ZNF532: variants seen among roughly 807,000 people sequenced by gnomAD.
The protein encoded by ZNF532 is zinc finger protein 532.
In ZNF532, 22 loss-of-function variants were observed where a neutral mutation model predicts 89.3. That is an observed-to-expected ratio of 0.25 (90% CI 0.18 to 0.35). ZNF532 has a LOEUF of 0.35. ZNF532 is among the 10% of genes least tolerant of loss of function. The pLI is 1.00. For synonymous variants in ZNF532, 606 were observed against 649.6 expected, an observed-to-expected ratio of 0.93 and a Z score of 1.02; for missense variants, 1,132 against 1,643.4, an observed-to-expected ratio of 0.69 and a Z score of 5.38.
chr18:58,906,704 C>T (rs1190592404), intron 2 of ZNF532, among the ~76,000 whole-genome samples: 1 of 152,166 alleles, frequency 6.6e-6, no homozygotes, highest in Admixed American at 6.5e-5. Flanking sequence ...GATTGCCCAG[C>T]TCTGATTTTT....
chr18:58,941,096 G>A lies in ZNF532; in HGVS notation c.2705+1475G>A, dbSNP rs187637376. Among the ~76,000 whole-genome samples, 3 of 151,420 alleles carry A rather than the reference G, an allele frequency of 2.0e-5. No homozygotes were observed. The East Asian group carries it at 5.9e-4, about 30-fold the overall frequency. Reference sequence around the variant, plus strand: ...CATGTTGAAGTTAAATTTTATTTTAGTAGGACCTTCATTCTGATCTTTGTA... The same window carrying A: ...CATGTTGAAGTTAAATTTTATTTTAATAGGACCTTCATTCTGATCTTTGTA... On this transcript the variant is annotated intron_variant, in intron 5 of 9. Coordinates refer to ENST00000591808, the MANE Select transcript of ZNF532 (RefSeq NM_001375912.1).
At position 58,922,267 on chromosome 18, in the gene ZNF532, G is replaced by A. The variant is rs147760154; in HGVS notation, c.2346+1634G>A. Among the ~76,000 whole-genome samples, 102 of 152,178 alleles carry A rather than the reference G, an allele frequency of 6.7e-4. No homozygotes were observed. The Middle Eastern group carries it at 0.01, about 15-fold the overall frequency. On this transcript the variant is annotated intron_variant, in intron 3 of 9. Transcript: ENST00000591808. The stretch of plus-strand genomic sequence containing the variant: ...GTTAATTAATTAGGATGTTTATGCC[G>A]CAATTCAGAAGTTTGGTGCTATCTT...
intron 2 of ZNF532, among the ~76,000 whole-genome samples, chr18:58,905,862 A>G (rs1362096044): frequency 6.6e-6 from 1 of 152,162 alleles, no homozygotes; most frequent in Non-Finnish European, 1.5e-5. Flanking sequence ...GGCCATGACC[A>G]TTTCTCAGAC....
chr18:58,974,508 A>G (rs556218479), intron 7 of ZNF532, among the ~76,000 whole-genome samples: 1 of 152,358 alleles, frequency 6.6e-6, no homozygotes, highest in South Asian at 2.1e-4. Flanking sequence ...GACTTCTGCT[A>G]TAACACTTAT....
At chr18:58,872,700 T>C (rs1049542146) in intron 2 of ZNF532, among the ~76,000 whole-genome samples, 12 of 95,672 alleles carry the variant, frequency 1.3e-4, no homozygotes, top group Admixed American at 3.4e-4. Context: ...ACATTTATCT[T>C]TTTTTTTTTT....
chr18:58,876,128 G>A lies in ZNF532; in HGVS notation c.-18+10549G>A, dbSNP rs902391154. ...TTTTGTATTTTTTAGTAGAGACGGG[G>A]TTTCACCGTGTTAGCCAGGATGGTC... On this transcript the variant is annotated intron_variant, in intron 2 of 9. Coordinates refer to ENST00000591808, the MANE Select transcript of ZNF532 (RefSeq NM_001375912.1). Among the ~76,000 whole-genome samples the A allele has an allele frequency of 2.0e-5, 3 of 151,974 alleles. No individual in the cohort carries two copies. The South Asian group carries it at 6.2e-4, about 32-fold the overall frequency.
chr18:58,970,129 C>T (rs2066324976), intron 7 of ZNF532, among the ~76,000 whole-genome samples: 1 of 152,126 alleles, frequency 6.6e-6, no homozygotes, highest in Admixed American at 6.6e-5. Flanking sequence ...CGTGATCCAC[C>T]TGCCTCGGCC....
intron 2 of ZNF532, among the ~76,000 whole-genome samples, chr18:58,884,203 A>G (rs956550559): frequency 6.6e-6 from 1 of 152,210 alleles, no homozygotes; most frequent in African/African-American, 2.4e-5. Context: ...ATATGGTGAA[A>G]CCCTGTCTCT....
intron 3 of ZNF532, among the ~76,000 whole-genome samples, chr18:58,929,637 A>G (rs889525729): frequency 8.5e-5 from 13 of 152,232 alleles, no homozygotes; most frequent in Admixed American, 3.9e-4. Flanking sequence ...ATGTAAGTAG[A>G]TGATATGTGT....
At chr18:58,978,204 A>G (rs1394915953) in intron 7 of ZNF532, among the ~76,000 whole-genome samples, 3 of 152,204 alleles carry the variant, frequency 2.0e-5, no homozygotes, top group Non-Finnish European at 2.9e-5. Context: ...CTCATCCCCT[A>G]AGTATACCAG....
At chr18:58,889,047 G>A (rs1465987030) in intron 2 of ZNF532, among the ~76,000 whole-genome samples, 1 of 147,784 alleles carries the variant, frequency 6.8e-6, no homozygotes, top group Non-Finnish European at 1.5e-5. Context: ...AAATTTGAAA[G>A]TTCCAAATGA....
At chr18:58,914,522 A>G (rs2060474568) in intron 2 of ZNF532, among the ~76,000 whole-genome samples, 1 of 152,214 alleles carries the variant, frequency 6.6e-6, no homozygotes, top group South Asian at 2.1e-4. Flanking sequence ...TCTACTAAAA[A>G]TACAAAAATT....
At chr18:58,937,580 T>C (rs1272393856) in intron 4 of ZNF532, among the ~76,000 whole-genome samples, 2 of 152,230 alleles carry the variant, frequency 1.3e-5, no homozygotes, top group Admixed American at 6.5e-5. Flanking sequence ...CTTTTTGTCC[T>C]TCCTGGTTCT....
chr18:58,893,385 T>C (rs1460659110), intron 2 of ZNF532, among the ~76,000 whole-genome samples: 1 of 152,208 alleles, frequency 6.6e-6, no homozygotes, highest in African/African-American at 2.4e-5. Flanking sequence ...AGTTGCCTGG[T>C]GCCTGGCGTG....
intron 4 of ZNF532, among the ~76,000 whole-genome samples, chr18:58,935,091 T>TCCC (rs1399728902): frequency 7.5e-6 from 1 of 133,954 alleles, no homozygotes; most frequent in Admixed American, 7.6e-5. Context: ...CTTCTCCTCC[T>TCCC]CCCCACTCCT....
At chr18:58,953,856 A>C in intron 7 of ZNF532, 57 bp downstream of exon 7, 5 of 1,543,664 alleles carry the variant, frequency 3.2e-6, no homozygotes, top group Non-Finnish European at 4.4e-6. Context: ...CTGGACTGGC[A>C]AGCTTCCAAG....
At chr18:58,887,096 C>A (rs1194629555) in intron 2 of ZNF532, among the ~76,000 whole-genome samples, 2 of 152,202 alleles carry the variant, frequency 1.3e-5, no homozygotes, top group Non-Finnish European at 2.9e-5. Flanking sequence ...AAATGAAGAA[C>A]ACCCTGAGGG....
At chr18:58,975,004 A>AT (rs1253121624) in intron 7 of ZNF532, among the ~76,000 whole-genome samples, 1 of 152,118 alleles carries the variant, frequency 6.6e-6, no homozygotes, top group East Asian at 1.9e-4. Context: ...TAGTGCAGTG[A>AT]TTTTTAGGAG....
chr18:58,962,447 AG>A (rs1023897446), intron 7 of ZNF532, among the ~76,000 whole-genome samples: 2 of 152,138 alleles, frequency 1.3e-5, no homozygotes, highest in African/African-American at 4.8e-5. Context: ...CAGAACTTCT[AG>A]GAAGAAGTCC....
Sources: allele counts gnomAD v4.1 joint callset (sites outside exome capture counted in the v4.1 genomes callset), GRCh38; gene constraint gnomAD v4.1.1; transcripts MANE v1.5; gene names NCBI Gene and HGNC (gene_info 2026-07-23, HGNC 2026-07-21).